The following SYNE2 variants were observed in gnomAD, a reference collection of about 807,000 sequenced individuals.
SYNE2 encodes the protein spectrin repeat containing nuclear envelope protein 2, also known as nesprin-2.
SYNE2 carries 431 observed loss-of-function variants against 856.3 expected under a neutral mutation model. That is an observed-to-expected ratio of 0.50 (90% confidence interval 0.47 to 0.55). SYNE2 has a LOEUF of 0.55. Among genes scored for constraint, SYNE2 ranks in the 20% least tolerant of loss-of-function variants. The pLI is 0.00. For missense variants in SYNE2, 8,129 were observed against 8,023.2 expected, an observed-to-expected ratio of 1.01 and a Z score of -0.50; for synonymous variants, 2,923 against 2,872.3, an observed-to-expected ratio of 1.02 and a Z score of -0.56.
intron 1 of SYNE2, among the ~76,000 whole-genome samples, chr14:63,876,522 C>T (rs56376318): frequency 0.45 from 67,023 of 149,796 alleles, 15,744 homozygotes; most frequent in South Asian, 0.55. Context: ...GAGTCTCGCT[C>T]TGTTGCCCAG....
chr14:64,100,561 T>TAG (rs2097719586), intron 63 of SYNE2, among the ~76,000 whole-genome samples: 1 of 129,074 alleles, frequency 7.7e-6, no homozygotes, highest in Admixed American at 8.1e-5. Context: ...TATATATATA[T>TAG]ATATATATAT....
At chr14:63,767,914 C>T (rs1886746614) in intron 1 of SYNE2, among the ~76,000 whole-genome samples, 1 of 152,126 alleles carries the variant, frequency 6.6e-6, no homozygotes, top group East Asian at 1.9e-4. Flanking sequence ...ATTGTGTAAG[C>T]TGGGCACAGT....
At chr14:63,871,772 G>A (rs1896911102) in intron 1 of SYNE2, among the ~76,000 whole-genome samples, 1 of 151,938 alleles carries the variant, frequency 6.6e-6, no homozygotes, top group Non-Finnish European at 1.5e-5. Flanking sequence ...AGGATTACAG[G>A]TGTGAGCCAC....
chr14:63,986,408 G>C (rs747079780), intron 18 of SYNE2, 48 bp from the exon 19 acceptor site: 3 of 1,603,312 alleles, frequency 1.9e-6, no homozygotes, highest in Non-Finnish European at 2.6e-6. Context: ...AAATTATTTT[G>C]TTATGTACAT....
chr14:64,054,485 G>C (rs1239550089), intron 48 of SYNE2, among the ~76,000 whole-genome samples: 1 of 152,168 alleles, frequency 6.6e-6, no homozygotes, highest in Non-Finnish European at 1.5e-5. Flanking sequence ...TTTTCTCAGA[G>C]TCCTGAGAAC....
At chr14:63,839,627 C>T (rs897745486) in intron 1 of SYNE2, among the ~76,000 whole-genome samples, 3 of 151,878 alleles carry the variant, frequency 2.0e-5, no homozygotes, top group African/African-American at 7.3e-5. Context: ...ACTGGGAGGT[C>T]GAGGCTGCAG....
At chr14:64,018,530 T>C (rs2096912348) in intron 34 of SYNE2, among the ~76,000 whole-genome samples, 1 of 152,072 alleles carries the variant, frequency 6.6e-6, no homozygotes, top group Admixed American at 6.6e-5. Flanking sequence ...GCGTGAGCCA[T>C]CATGCCCAGC....
intron 1 of SYNE2, among the ~76,000 whole-genome samples, chr14:63,821,952 A>G (rs999082661): frequency 6.6e-6 from 1 of 152,188 alleles, no homozygotes; most frequent in Non-Finnish European, 1.5e-5. Flanking sequence ...GCACTTTGGG[A>G]GGCTGAGGCA....
At chr14:64,219,104 GTT>G (rs528002229) in intron 109 of SYNE2, 102 bp from the exon 110 acceptor site, 16,793 of 390,390 alleles carry the variant, frequency 0.043, 11 homozygotes, top group Middle Eastern at 0.059. Flanking sequence ...CAGTTTTTTT[GTT>G]TTTTTTTTTT....
chr14:63,911,246 A>G (rs1241478282), intron 2 of SYNE2, among the ~76,000 whole-genome samples: 1 of 152,078 alleles, frequency 6.6e-6, no homozygotes, highest in Admixed American at 6.6e-5. Flanking sequence ...TCATCCTCTC[A>G]TCCATCCTTC....
At chr14:64,220,781 C>T in intron 111 of SYNE2, 144 bp downstream of exon 111, 1 of 1,036,236 alleles carries the variant, frequency 9.7e-7, no homozygotes, top group South Asian at 1.4e-5. Flanking sequence ...CCATTTGTTT[C>T]CACAGAGGCT....
chr14:64,213,293 C>G (rs2098651008), intron 105 of SYNE2, among the ~76,000 whole-genome samples: 1 of 152,202 alleles, frequency 6.6e-6, no homozygotes, highest in African/African-American at 2.4e-5. Context: ...GCATGCGTCA[C>G]TACCCCTAGA....
chr14:63,865,724 C>CAAAAAAAA (rs768960267), intron 1 of SYNE2, among the ~76,000 whole-genome samples: 1 of 95,354 alleles, frequency 1.0e-5, no homozygotes, highest in Non-Finnish European at 2.2e-5. Context: ...ACCCCCCCCC[C>CAAAAAAAA]AAAAAAAAAG....
At chr14:64,066,542 G>A (rs571954934) in intron 51 of SYNE2, among the ~76,000 whole-genome samples, 1 of 152,208 alleles carries the variant, frequency 6.6e-6, no homozygotes, top group South Asian at 2.1e-4. Context: ...AATTATCTTA[G>A]GATGAAATGC....
At chr14:64,113,065 C>T (rs1220471657) in intron 65 of SYNE2, 4 of 985,256 alleles carry the variant, frequency 4.1e-6, no homozygotes, top group African/African-American at 3.5e-5. Context: ...CACCTGTCTC[C>T]TGGGGCTCAC....
intron 21 of SYNE2, among the ~76,000 whole-genome samples, chr14:63,992,365 C>G (rs1367748318): frequency 6.6e-6 from 1 of 152,130 alleles, no homozygotes; most frequent in East Asian, 1.9e-4. Flanking sequence ...CAGCCTCCAA[C>G]TCCTGGGCTC....
chr14:63,926,700 C>T lies in SYNE2; in HGVS notation c.80-13914C>T, dbSNP rs539315919. On this transcript the variant is annotated intron_variant, in intron 2 of 115. Transcript: ENST00000555002. ...CCCGATGAAGTAGATACTATTGTCC[C>T]CATTTTCAAATAAGACTGAGGCACA... is the stretch of plus-strand genomic sequence containing the variant. 5.9e-5 allele frequency among the ~76,000 whole-genome samples: 9 copies of T among 152,226 alleles called. No homozygotes were observed. In the South Asian group the frequency reaches 1.9e-3, roughly 32 times the overall value.
At chr14:64,015,022 T>TAC (rs2096880611) in intron 32 of SYNE2, among the ~76,000 whole-genome samples, 1 of 143,858 alleles carries the variant, frequency 7.0e-6, no homozygotes. Context: ...TGTATATATG[T>TAC]ATATAAATAT....
chr14:64,133,937 G>C, intron 77 of SYNE2, 132 bp from the exon 78 acceptor site: 1 of 1,087,234 alleles, frequency 9.2e-7, no homozygotes, highest in African/African-American at 1.6e-5. Context: ...TACGTCTCTC[G>C]AACACACCTG....
Sources: gnomAD v4.1 joint callset for allele counts (sites outside exome capture counted in the v4.1 genomes callset) on GRCh38, gnomAD v4.1.1 for gene constraint, MANE v1.5 for transcripts, NCBI Gene and HGNC (gene_info 2026-07-23, HGNC 2026-07-21) for gene names.